The following PCDH7 variants were observed in gnomAD, a reference collection of about 807,000 sequenced individuals.
PCDH7 encodes protocadherin-7.
Under a neutral mutation model 58.9 loss-of-function variants are expected in PCDH7, and 17 were observed. That is an observed-to-expected ratio of 0.29 (90% CI 0.20 to 0.43). PCDH7 has a LOEUF of 0.43. PCDH7 is among the 20% of genes least tolerant of loss of function. The pLI, the probability that PCDH7 is intolerant of heterozygous loss-of-function variation, is 1.00. For synonymous variants in PCDH7, 664 were observed against 616.4 expected (o/e 1.08, Z -1.14); for missense variants, 1,274 against 1,441.0 (o/e 0.88, Z 1.88).
chr4:31,087,367 A>C (rs1248854042), intron 3 of PCDH7, among the ~76,000 whole-genome samples: 1 of 152,150 alleles, frequency 6.6e-6, no homozygotes, highest in Non-Finnish European at 1.5e-5. Flanking sequence ...TTATATGAAA[A>C]GGTTGATGAA....
chr4:31,076,834 T>C (rs1294428082), intron 3 of PCDH7, among the ~76,000 whole-genome samples: 1 of 152,168 alleles, frequency 6.6e-6, no homozygotes, highest in Non-Finnish European at 1.5e-5. Context: ...CAACAGATGA[T>C]GAAACAATTC....
intron 1 of PCDH7, among the ~76,000 whole-genome samples, chr4:30,811,576 G>T (rs986168930): frequency 2.2e-4 from 33 of 152,184 alleles, no homozygotes; most frequent in Non-Finnish European, 2.9e-5. Flanking sequence ...CCTTTTCAGG[G>T]TACAGTAGGT....
At chr4:31,078,923 G>T (rs552735064) in intron 3 of PCDH7, among the ~76,000 whole-genome samples, 26 of 152,056 alleles carry the variant, frequency 1.7e-4, no homozygotes, top group African/African-American at 5.3e-4. Context: ...CCACATATAT[G>T]TGGATAATTA....
chr4:31,069,864 T>TGA (rs1758402041), intron 3 of PCDH7, among the ~76,000 whole-genome samples: 1 of 90,204 alleles, frequency 1.1e-5, no homozygotes, highest in African/African-American at 4.2e-5. Context: ...TAATCTCAAA[T>TGA]TTTCTCCACT....
chr4:31,077,248 T>A, intron 3 of PCDH7, among the ~76,000 whole-genome samples: 1 of 151,538 alleles, frequency 6.6e-6, no homozygotes, highest in East Asian at 1.9e-4. Flanking sequence ...CCATTTCTAC[T>A]AAAAATACAA....
downstream of PCDH7, among the ~76,000 whole-genome samples, chr4:30,736,278 C>T (rs1416564092): frequency 6.6e-6 from 1 of 152,056 alleles, no homozygotes; most frequent in African/African-American, 2.4e-5. Context: ...GTAAAGAGCT[C>T]TCCTACCCCA....
chr4:30,840,718 G>C (rs2109338115), intron 1 of PCDH7, among the ~76,000 whole-genome samples: 1 of 152,174 alleles, frequency 6.6e-6, no homozygotes, highest in African/African-American at 2.4e-5. Context: ...TATTTTAAGA[G>C]ATGGCAAAAC....
chr4:30,831,082 A>C (rs1359224659), intron 1 of PCDH7, among the ~76,000 whole-genome samples: 1 of 152,124 alleles, frequency 6.6e-6, no homozygotes, highest in Non-Finnish European at 1.5e-5. Context: ...GGTGTATTTT[A>C]ATTCATTCTT....
intron 3 of PCDH7, among the ~76,000 whole-genome samples, chr4:31,103,124 A>G (rs888662565): frequency 5.9e-5 from 9 of 152,234 alleles, no homozygotes; most frequent in African/African-American, 2.2e-4. Context: ...AGGTCTCCTT[A>G]CAAGACGTAT....
At position 31,122,000 on chromosome 4, in the gene PCDH7, C is replaced by T. The variant is rs74588113; in HGVS notation, c.*8-20473C>T. 0.021 allele frequency among the ~76,000 whole-genome samples: 3,115 copies of T among 151,814 alleles called. 278 individuals carry two copies. The East Asian group carries it at 0.29, about 14-fold the overall frequency. On this transcript the variant is annotated intron_variant, in intron 3 of 3. Transcript: ENST00000509759. Reference sequence around the variant, plus strand: ...GAATCACAATGTAGCCAGAAGTTTTCGGAGATTTTATTTTTTTTTTCCCCA... The same window carrying T: ...GAATCACAATGTAGCCAGAAGTTTTTGGAGATTTTATTTTTTTTTTCCCCA...
chr4:31,106,373 T>C (rs976557113), intron 3 of PCDH7, among the ~76,000 whole-genome samples: 3 of 152,246 alleles, frequency 2.0e-5, no homozygotes, highest in African/African-American at 7.2e-5. Context: ...AGGGAGGATC[T>C]ACTTTTCTTC....
chr4:30,931,252 T>A (rs940787411), intron 2 of PCDH7, among the ~76,000 whole-genome samples: 34 of 151,816 alleles, frequency 2.2e-4, no homozygotes, highest in Non-Finnish European at 5.0e-4. Flanking sequence ...CATAGACATG[T>A]CCAAAAGAAA....
chr4:30,751,145 C>G (rs139770387), intron 1 of PCDH7, among the ~76,000 whole-genome samples: 2 of 152,280 alleles, frequency 1.3e-5, no homozygotes, highest in African/African-American at 4.8e-5. Flanking sequence ...GATTTTGTAC[C>G]TGTGCAAACT....
chr4:30,962,776 TAAAAAAAAAAAAAAAA>T (rs57257786), intron 3 of PCDH7, among the ~76,000 whole-genome samples: 3 of 70,610 alleles, frequency 4.2e-5, no homozygotes, highest in Non-Finnish European at 8.2e-5. Flanking sequence ...GACCCAGTCT[TAAAAAAAAAAAAAAAA>T]AAAAAAAAAA....
At position 30,895,031 on chromosome 4, in the gene PCDH7, T is replaced by C. The variant is rs1486392652; in HGVS notation, c.71-25122T>C. Among the ~76,000 whole-genome samples, 5 of 152,074 alleles carry C rather than the reference T, an allele frequency of 3.3e-5. 1 individual carries two copies. The highest frequency in any genetic ancestry group is 1.2e-4 in the African/African-American group (5 of 41,478). On this transcript the variant is annotated intron_variant, in intron 1 of 3. Coordinates refer to the PCDH7 transcript ENST00000509759. Reference sequence around the variant, plus strand: ...ATGTCATGCATTAGTTTTATCTTCTTATACCAAGGGTGGCATCTATCCTTT... The same window carrying C: ...ATGTCATGCATTAGTTTTATCTTCTCATACCAAGGGTGGCATCTATCCTTT...
chr4:30,989,543 G>C (rs148110109), intron 3 of PCDH7, among the ~76,000 whole-genome samples: 2 of 152,216 alleles, frequency 1.3e-5, no homozygotes, highest in Admixed American at 1.3e-4. Context: ...TACAGGTGCC[G>C]CACCATTCCA....
intron 1 of PCDH7, among the ~76,000 whole-genome samples, chr4:30,840,430 CCT>C (rs1298944824): frequency 6.6e-6 from 1 of 152,050 alleles, no homozygotes. Flanking sequence ...GGATTTTTCC[CCT>C]CTTTGCCTTA....
intron 3 of PCDH7, among the ~76,000 whole-genome samples, chr4:31,062,876 A>G (rs747776541): frequency 7.9e-5 from 12 of 151,794 alleles, no homozygotes; most frequent in Admixed American, 1.3e-4. Flanking sequence ...AGGAACCACC[A>G]AGTTTTGTTG....
intron 1 of PCDH7, among the ~76,000 whole-genome samples, chr4:30,910,936 A>C (rs1165587100): frequency 7.2e-5 from 11 of 152,312 alleles, no homozygotes; most frequent in Admixed American, 2.0e-4. Context: ...AGACTGGATA[A>C]AGAAACTGTG....
Sources: gnomAD v4.1 joint callset for allele counts (sites outside exome capture counted in the v4.1 genomes callset) on GRCh38, gnomAD v4.1.1 for gene constraint, MANE v1.5 for transcripts, NCBI Gene and HGNC (gene_info 2026-07-23, HGNC 2026-07-21) for gene names.